The following SLC10A7 variants were observed in gnomAD, a reference collection of about 807,000 sequenced individuals.
SLC10A7 encodes the protein solute carrier family 10 member 7, also known as sodium/bile acid cotransporter 7.
Under a neutral mutation model 43.2 loss-of-function variants are expected in SLC10A7, and 29 were observed. The observed-to-expected ratio is 0.67, with a 90% CI of 0.50 to 0.92. The LOEUF (loss-of-function observed/expected upper bound fraction) is 0.92, where lower values mean the gene tolerates loss of function less well. SLC10A7 is among the 40% of genes least tolerant of loss of function. The probability of loss-of-function intolerance (pLI) is 0.00; values close to 1 mark genes in which losing one functional copy is unlikely to be tolerated. For synonymous variants in SLC10A7, 152 were observed against 144.8 expected (o/e 1.05, Z -0.35); for missense variants, 295 against 403.2 (o/e 0.73, Z 2.30).
intron 4 of SLC10A7, among the ~76,000 whole-genome samples, chr4:146,458,119 T>C (rs1413163808): frequency 6.6e-6 from 1 of 151,752 alleles, no homozygotes; most frequent in Non-Finnish European, 1.5e-5. Context: ...ATAAAAAGGA[T>C]GATACAGTAT....
intron 2 of SLC10A7, among the ~76,000 whole-genome samples, chr4:146,512,858 T>C (rs1737607822): frequency 1.3e-5 from 2 of 152,198 alleles, no homozygotes; most frequent in African/African-American, 4.8e-5. Context: ...TAACTAAATG[T>C]TCATCAATAG....
chr4:146,483,414 A>ATG (rs1396421362), intron 4 of SLC10A7, among the ~76,000 whole-genome samples: 2 of 151,168 alleles, frequency 1.3e-5, no homozygotes, highest in Non-Finnish European at 2.9e-5. Flanking sequence ...AGTTTATAAG[A>ATG]TGTTTTATCT....
chr4:146,399,921 C>T (rs1037910370), intron 5 of SLC10A7, among the ~76,000 whole-genome samples: 2 of 151,860 alleles, frequency 1.3e-5, no homozygotes, highest in African/African-American at 4.8e-5. Context: ...TCAATTGGCA[C>T]AGAACAAGCA....
chr4:146,318,901 G>T (rs1215442358), intron 6 of SLC10A7, among the ~76,000 whole-genome samples: 1 of 151,944 alleles, frequency 6.6e-6, no homozygotes, highest in African/African-American at 2.4e-5. Flanking sequence ...CTACTTTCCA[G>T]TTCTACTTAC....
At chr4:146,387,982 T>C (rs1367491818) in intron 5 of SLC10A7, among the ~76,000 whole-genome samples, 1 of 152,230 alleles carries the variant, frequency 6.6e-6, no homozygotes. Flanking sequence ...TCAATATTGA[T>C]AAAATGACCA....
At chr4:146,272,898 G>T (rs1179676689) in intron 10 of SLC10A7, among the ~76,000 whole-genome samples, 1 of 152,080 alleles carries the variant, frequency 6.6e-6, no homozygotes, top group Non-Finnish European at 1.5e-5. Flanking sequence ...AGGCTGTTCT[G>T]GTCTTCTGGA....
chr4:146,355,123 T>C (rs1311940332), intron 5 of SLC10A7, among the ~76,000 whole-genome samples: 1 of 145,056 alleles, frequency 6.9e-6, no homozygotes, highest in Non-Finnish European at 1.5e-5. Context: ...GGGAGAAAAT[T>C]TTCGCAACCT....
Position 146,258,830 on chromosome 4 carries a change from C to T in SLC10A7, c.855G>A (p.Pro285=). 12 of 1,606,500 alleles carry T rather than the reference C, an allele frequency of 7.5e-6. No individual in the cohort carries two copies. Among genetic ancestry groups the T allele is most frequent in the South Asian group, 1.1e-5 (1 of 88,910 alleles). Residue 285 remains proline (P), a synonymous_variant, in exon 11 of 12, where the codon CCG becomes CCA. Transcript: ENST00000335472. ...GGCCTGCAAACACGATCTTCAGCAT[C>T]GGAATTCCTGTTGAACAAAGAAGAC... The part of the protein sequence containing the change: ...STHKSLTLGI[P]MLKIVFAGHE...
intron 5 of SLC10A7, chr4:146,441,826 C>T (rs1730625860): frequency 1.0e-6 from 1 of 985,132 alleles, no homozygotes; most frequent in African/African-American, 1.7e-5. Context: ...AGCTGTGTAG[C>T]ACTATGTAGA....
At chr4:146,312,675 A>G (rs907041532) in intron 6 of SLC10A7, among the ~76,000 whole-genome samples, 1 of 152,092 alleles carries the variant, frequency 6.6e-6, no homozygotes, top group East Asian at 1.9e-4. Flanking sequence ...ATTATGCAGT[A>G]ATTTTCTTTC....
intron 6 of SLC10A7, among the ~76,000 whole-genome samples, chr4:146,323,917 GAAAACC>G (rs1732919226): frequency 6.6e-6 from 1 of 152,134 alleles, no homozygotes; most frequent in African/African-American, 2.4e-5. Flanking sequence ...TGTATATCTA[GAAAACC>G]CCATCATCTG....
intron 5 of SLC10A7, among the ~76,000 whole-genome samples, chr4:146,384,863 T>C (rs879818494): frequency 2.6e-5 from 4 of 152,196 alleles, no homozygotes; most frequent in Non-Finnish European, 5.9e-5. Context: ...TTTTTTTACA[T>C]TTATACACTG....
intron 2 of SLC10A7, among the ~76,000 whole-genome samples, chr4:146,516,131 A>G (rs2150056952): frequency 6.6e-6 from 1 of 152,212 alleles, no homozygotes; most frequent in East Asian, 1.9e-4. Flanking sequence ...CATTTCCAAA[A>G]ACAAAATACC....
chr4:146,284,978 A>G (rs1052062835), intron 9 of SLC10A7, among the ~76,000 whole-genome samples: 14 of 152,224 alleles, frequency 9.2e-5, no homozygotes, highest in Non-Finnish European at 1.9e-4. Flanking sequence ...ATAGAGCACA[A>G]ATAACCTTCT....
chr4:146,420,821 T>C (rs1029263764), intron 5 of SLC10A7, among the ~76,000 whole-genome samples: 6 of 152,048 alleles, frequency 3.9e-5, no homozygotes, highest in Non-Finnish European at 8.8e-5. Context: ...GGCTGAGAGT[T>C]GAAGACCAGC....
chr4:146,501,447 T>C (rs1353376786), intron 4 of SLC10A7, among the ~76,000 whole-genome samples: 1 of 152,186 alleles, frequency 6.6e-6, no homozygotes, highest in African/African-American at 2.4e-5. Context: ...TTCTGGCCAA[T>C]TTAATGTGAG....
At chr4:146,401,192 T>C (rs189223531) in intron 5 of SLC10A7, among the ~76,000 whole-genome samples, 505 of 152,266 alleles carry the variant, frequency 3.3e-3, no homozygotes, top group Non-Finnish European at 6.0e-3. Flanking sequence ...GATAAAATCT[T>C]CTGGTTGGAA....
intron 5 of SLC10A7, chr4:146,442,070 GT>G (rs1164005488): frequency 2.0e-6 from 2 of 978,468 alleles, no homozygotes; most frequent in Non-Finnish European, 2.4e-6. Context: ...ATTTAACAAA[GT>G]TTTAAGGCAC....
chr4:146,400,990 CCAAAGTAA>C (rs1560873151), intron 5 of SLC10A7, among the ~76,000 whole-genome samples: 1 of 151,844 alleles, frequency 6.6e-6, no homozygotes, highest in African/African-American at 2.4e-5. Flanking sequence ...AAAAATACTC[CCAAAGTAA>C]CAAAGTAAAA....
Sources: allele counts gnomAD v4.1 joint callset (sites outside exome capture counted in the v4.1 genomes callset), GRCh38; gene constraint gnomAD v4.1.1; transcripts MANE v1.5; gene names NCBI Gene and HGNC (gene_info 2026-07-23, HGNC 2026-07-21).